The following AGAP1 variants were observed in gnomAD, a reference collection of about 807,000 sequenced individuals.
AGAP1 encodes ArfGAP with GTPase domain, ankyrin repeat and PH domain 1.
AGAP1 carries 29 observed loss-of-function variants against 105.3 expected under a neutral mutation model. The observed-to-expected ratio is 0.28, with a 90% CI of 0.21 to 0.38. The LOEUF is 0.38. Among genes scored for constraint, AGAP1 ranks in the 10% least tolerant of loss-of-function variants. The probability of loss-of-function intolerance (pLI) is 1.00; values close to 1 mark genes in which losing one functional copy is unlikely to be tolerated. For synonymous variants in AGAP1, 509 were observed against 485.9 expected (o/e 1.05, Z -0.63); for missense variants, 998 against 1,165.1 (o/e 0.86, Z 2.09).
In AGAP1 at chr2:236,012,713, G is replaced by A. The variant is rs577627018; in HGVS notation, c.1646-23848G>A. 1.8e-4 allele frequency among the ~76,000 whole-genome samples: 27 copies of A among 152,148 alleles called. No homozygotes were observed. The highest frequency in any genetic ancestry group is 1.4e-3 in the Admixed American group (21 of 15,280). On this transcript the variant is annotated intron_variant, in intron 13 of 17. Transcript: ENST00000304032. The surrounding 1 kb of genome is among the most constrained non-coding windows in gnomAD (Gnocchi z 4.9). ...CTTGTGAAAAATTAAATGTAGACCC[G>A]TATCCTTTAACACCGCAGATGCCTG...
intron 1 of AGAP1, among the ~76,000 whole-genome samples, chr2:235,674,902 TG>T: frequency 6.6e-6 from 1 of 152,158 alleles, no homozygotes; most frequent in Non-Finnish European, 1.5e-5. Flanking sequence ...TTGGCCAGGA[TG>T]GTCTCCATCT....
Position 235,569,491 on chromosome 2 carries a change from C to T in AGAP1, c.163+74642C>T, listed in dbSNP as rs557666006. On this transcript the variant is annotated intron_variant, in intron 1 of 17. Transcript: ENST00000304032. This position sits in a 1 kb window ranked among gnomAD's most constrained non-coding sequence, Gnocchi z 5.9. ...GAGAGACTTTTGGTGGCTCTATAGG[C>T]AGTAAAGGGCAAAATGGAAAGCAAA... 2.4e-4 allele frequency among the ~76,000 whole-genome samples: 37 copies of T among 152,128 alleles called. No homozygotes were observed. The highest frequency in any genetic ancestry group is 5.0e-4 in the Non-Finnish European group (34 of 68,024).
rs1183480253 is a variant in AGAP1, at chr2:235,659,268, T to G, written c.164-49911T>G. On this transcript the variant is annotated intron_variant, in intron 1 of 17. Transcript: ENST00000304032. This position sits in a 1 kb window ranked among gnomAD's most constrained non-coding sequence, Gnocchi z 5.0. ...GACTGACTTTTTATGTCTTTCTATG[T>G]CTGTAAAATCGGGATAATAATAGTA... is the stretch of plus-strand genomic sequence containing the variant. 6.6e-6 allele frequency among the ~76,000 whole-genome samples: 1 copy of G among 152,172 alleles called. No homozygotes were observed. Among genetic ancestry groups the G allele is most frequent in the Non-Finnish European group, 1.5e-5 (1 of 68,032 alleles).
chr2:235,967,821 G>A lies in AGAP1; in HGVS notation c.1484-641G>A, dbSNP rs149202578. ...AGTTTCACTTATAGTGAATAATCACGTGTGCACTGGTTTTGAAACTGTTCT... is the reference window on the plus strand; with the variant it reads ...AGTTTCACTTATAGTGAATAATCACATGTGCACTGGTTTTGAAACTGTTCT... On this transcript the variant is annotated intron_variant, in intron 12 of 17. Transcript: ENST00000304032. The surrounding 1 kb of genome is among the most constrained non-coding windows in gnomAD (Gnocchi z 4.7). 2.3e-4 allele frequency among the ~76,000 whole-genome samples: 35 copies of A among 152,242 alleles called. No homozygotes were observed. The East Asian group carries it at 3.3e-3, about 14-fold the overall frequency.
intron 9 of AGAP1, among the ~76,000 whole-genome samples, chr2:235,878,962 A>G (rs368458486): frequency 1.1e-4 from 17 of 152,328 alleles, no homozygotes; most frequent in African/African-American, 4.1e-4. Flanking sequence ...GTTCAAGACC[A>G]AAAGTGTTGG....
At position 235,817,500 on chromosome 2, in the gene AGAP1, T is replaced by C. The variant is rs181324231; in HGVS notation, c.1050+10169T>C. ...CTTTTAACTGACTCACTGAAGGCCA[T>C]GTTTTGAAACCAAAACACTCTTTCC... On this transcript the variant is annotated intron_variant, in intron 9 of 17. Transcript: ENST00000304032. 2.9e-3 allele frequency among the ~76,000 whole-genome samples: 441 copies of C among 152,238 alleles called. 2 individuals carry two copies. Among genetic ancestry groups the C allele is most frequent in the East Asian group, 0.02 (104 of 5,170 alleles).
chr2:236,097,380 C>CTTTTTTTTTTTTTTTTTTTT lies in AGAP1; in HGVS notation c.2115-22800_2115-22781dup, dbSNP rs58882083. Reference sequence around the variant, plus strand: ...ATAATATAAAATTTGTCATCCTAATCTTTTTTTTTTTTTTTTTTTTTTTTT... The same window carrying CTTTTTTTTTTTTTTTTTTTT: ...ATAATATAAAATTTGTCATCCTAATCTTTTTTTTTTTTTTTTTTTTTTTTTTTTTTTTTTTTTTTTTTTTT... On this transcript the variant is annotated intron_variant, in intron 16 of 17. Coordinates refer to ENST00000304032, the MANE Select transcript of AGAP1 (RefSeq NM_001037131.3). 8.2e-5 allele frequency among the ~76,000 whole-genome samples: 4 copies of CTTTTTTTTTTTTTTTTTTTT among 48,648 alleles called. 1 individual carries two copies. Among genetic ancestry groups the CTTTTTTTTTTTTTTTTTTTT allele is most frequent in the African/African-American group, 1.5e-4 (2 of 13,008 alleles). The allele number at this position is 48,648 out of a possible 152,430, so 31.9% of individuals were successfully genotyped here.
At chr2:235,804,309 G>T (rs554407254) in intron 8 of AGAP1, among the ~76,000 whole-genome samples, 26 of 152,094 alleles carry the variant, frequency 1.7e-4, no homozygotes, top group Admixed American at 1.0e-3. Context: ...TTTTTAAAAA[G>T]CTTACCATAT....
intron 2 of AGAP1, among the ~76,000 whole-genome samples, chr2:235,711,645 T>C (rs548984842): frequency 4.7e-4 from 71 of 152,308 alleles, no homozygotes; most frequent in African/African-American, 1.7e-3. Context: ...AGCTCTGCTC[T>C]AGCCCAAGTG....
chr2:235,590,439 C>T (rs554385411), intron 1 of AGAP1, among the ~76,000 whole-genome samples: 14 of 152,056 alleles, frequency 9.2e-5, no homozygotes, highest in African/African-American at 3.4e-4. Flanking sequence ...CTGAGCTCCG[C>T]GAGGCTGGAT....
In AGAP1 at chr2:235,958,532, C is replaced by T. The variant is rs542818383; in HGVS notation, c.1484-9930C>T. 6.6e-6 allele frequency among the ~76,000 whole-genome samples: 1 copy of T among 152,204 alleles called. No homozygotes were observed. The highest frequency in any genetic ancestry group is 2.1e-4 in the South Asian group (1 of 4,810). ...ATCAAAAACCTATCAGCACACCTGG[C>T]GAGGACCCTCACCAAGGCGAGCTCC... On this transcript the variant is annotated intron_variant, in intron 12 of 17. Coordinates refer to ENST00000304032, the MANE Select transcript of AGAP1 (RefSeq NM_001037131.3). The surrounding 1 kb of genome is among the most constrained non-coding windows in gnomAD (Gnocchi z 4.1).
intron 1 of AGAP1, among the ~76,000 whole-genome samples, chr2:235,507,862 A>C (rs1181519398): frequency 6.6e-6 from 1 of 152,128 alleles, no homozygotes; most frequent in African/African-American, 2.4e-5. Flanking sequence ...TATATAGGTA[A>C]GTTGGGTGTC....
chr2:235,860,075 TTTG>T, intron 9 of AGAP1, among the ~76,000 whole-genome samples: 1 of 152,344 alleles, frequency 6.6e-6, no homozygotes, highest in South Asian at 2.1e-4. Flanking sequence ...TTCATCTCAG[TTTG>T]TTTTCTTCTT....
At chr2:235,945,282 A>G (rs2053439135) in intron 12 of AGAP1, among the ~76,000 whole-genome samples, 1 of 151,664 alleles carries the variant, frequency 6.6e-6, no homozygotes, top group African/African-American at 2.4e-5. Context: ...TTGTATTTTT[A>G]GTAGAGTTGG....
chr2:235,704,621 G>C (rs1950431946), intron 1 of AGAP1, among the ~76,000 whole-genome samples: 2 of 132,832 alleles, frequency 1.5e-5, no homozygotes, highest in Non-Finnish European at 3.4e-5. Context: ...ACTCCAGCCT[G>C]GCAACAGAGC....
intron 12 of AGAP1, among the ~76,000 whole-genome samples, chr2:235,943,982 T>A (rs960678872): frequency 6.6e-6 from 1 of 152,230 alleles, no homozygotes; most frequent in Non-Finnish European, 1.5e-5. Flanking sequence ...CTAAAAATTT[T>A]ATATCACACA....
At chr2:236,074,657 A>C (rs2058590346) in intron 16 of AGAP1, among the ~76,000 whole-genome samples, 1 of 152,188 alleles carries the variant, frequency 6.6e-6, no homozygotes, top group South Asian at 2.1e-4. Flanking sequence ...CAATGACCAA[A>C]AATTTCTTCA....
At chr2:235,795,381 CTG>C (rs1377031940) in intron 6 of AGAP1, among the ~76,000 whole-genome samples, 1 of 152,204 alleles carries the variant, frequency 6.6e-6, no homozygotes, top group Non-Finnish European at 1.5e-5. Flanking sequence ...AGCATTGACT[CTG>C]TAGTCAGTTT....
At chr2:235,638,379 C>T (rs906851293) in intron 1 of AGAP1, among the ~76,000 whole-genome samples, 1 of 152,168 alleles carries the variant, frequency 6.6e-6, no homozygotes, top group African/African-American at 2.4e-5. Context: ...AGGTGCACTG[C>T]ACAGGGTGGC....
Sources: gnomAD v4.1 joint callset for allele counts (sites outside exome capture counted in the v4.1 genomes callset) on GRCh38, gnomAD v4.1.1 for gene constraint, Gnocchi (gnomAD v3.1) non-coding constraint, MANE v1.5 for transcripts, NCBI Gene and HGNC (gene_info 2026-07-23, HGNC 2026-07-21) for gene names.